ITGB6: variants seen among roughly 807,000 people sequenced by gnomAD.
ITGB6 encodes integrin beta-6.
A neutral mutation model predicts 84.5 loss-of-function variants in ITGB6; 80 were observed. The observed-to-expected ratio is 0.95, with a 90% CI of 0.79 to 1.14. The LOEUF (loss-of-function observed/expected upper bound fraction) is 1.14, where lower values mean the gene tolerates loss of function less well. Ranked by LOEUF, ITGB6 falls within the 50% of genes most tolerant of loss-of-function variation. ITGB6 has a pLI of 0.00. For missense variants in ITGB6, 1,006 were observed against 968.0 expected, an observed-to-expected ratio of 1.04 and a Z score of -0.52; for synonymous variants, 383 against 354.9, an observed-to-expected ratio of 1.08 and a Z score of -0.89.
chr2:160,199,088 A>G, intron 2 of ITGB6, 91 bp downstream of exon 2: 2 of 1,047,578 alleles, frequency 1.9e-6, no homozygotes, highest in Non-Finnish European at 3.0e-6. Context: ...TCCACAAAAA[A>G]GCAAGTCACT....
At chr2:160,156,445 C>A (rs957975148) in intron 7 of ITGB6, among the ~76,000 whole-genome samples, 1 of 152,176 alleles carries the variant, frequency 6.6e-6, no homozygotes, top group Non-Finnish European at 1.5e-5. Flanking sequence ...AAACCCAAGG[C>A]TCTCGAAGAG....
rs1241333934 is a variant in ITGB6 at position 160,195,427 on chromosome 2, C to T, written c.535G>A (p.Glu179Lys). Residue 179 changes from glutamate (E) to lysine (K), a missense_variant, in exon 4 of 15, where the codon GAA (glutamate) becomes AAA (lysine). Glu to Lys is a moderately conservative substitution (Grantham distance 56). Transcript: ENST00000283249. ...TTCACAAAAGGGGATACAGGTTTTT[C>T]CACAAAAGATCCGAAGCCCAGTCTA... is the stretch of plus-strand genomic sequence containing the variant. ...NFRLGFGSFV[E>K]KPVSPFVKTT... is the part of the protein sequence containing the mutation. 2.5e-6 allele frequency: 4 copies of T among 1,614,174 alleles called. No individual in the cohort carries two copies. Among genetic ancestry groups the T allele is most frequent in the East Asian group, 2.2e-5 (1 of 44,886 alleles).
chr2:160,190,889 G>T (rs1266511705), intron 4 of ITGB6, among the ~76,000 whole-genome samples: 2 of 152,084 alleles, frequency 1.3e-5, no homozygotes, highest in Admixed American at 6.6e-5. Context: ...TTGCTACATC[G>T]TACCTGATCT....
At chr2:160,186,273 A>AC (rs1685891715) in intron 4 of ITGB6, among the ~76,000 whole-genome samples, 1 of 24,886 alleles carries the variant, frequency 4.0e-5, no homozygotes, top group African/African-American at 3.2e-4. Flanking sequence ...ACAAATTTCC[A>AC]AAAAAAAAAA....
At chr2:160,114,464 G>GT (rs1358884544) in intron 12 of ITGB6, among the ~76,000 whole-genome samples, 8 of 152,318 alleles carry the variant, frequency 5.3e-5, no homozygotes, top group Admixed American at 6.5e-5. Context: ...GAAAACAGGG[G>GT]TGAGGATGTG....
chr2:160,135,262 CA>C (rs1207191968), intron 10 of ITGB6, among the ~76,000 whole-genome samples: 3 of 152,136 alleles, frequency 2.0e-5, no homozygotes, highest in African/African-American at 7.2e-5. Flanking sequence ...ACACTAATAA[CA>C]GACAAACAGA....
At chr2:160,122,725 T>G (rs1246392943) in intron 12 of ITGB6, among the ~76,000 whole-genome samples, 1 of 152,204 alleles carries the variant, frequency 6.6e-6, no homozygotes, top group East Asian at 1.9e-4. Flanking sequence ...ATCATGACCC[T>G]CCATATAGGG....
intron 12 of ITGB6, among the ~76,000 whole-genome samples, chr2:160,116,999 C>G (rs1367683702): frequency 6.6e-6 from 1 of 151,292 alleles, no homozygotes; most frequent in Non-Finnish European, 1.5e-5. Context: ...TACAGGAGCA[C>G]CCAGATTCAT....
chr2:160,138,102 T>G lies in ITGB6; in HGVS notation c.1205A>C (p.His402Pro), dbSNP rs772489907. The change falls in exon 9 of 15, where the codon CAC becomes CCC. Residue 402 changes from histidine (H) to proline (P), a missense_variant. His to Pro is a moderately conservative substitution (Grantham distance 77). Coordinates refer to ENST00000283249, the MANE Select transcript of ITGB6 (RefSeq NM_000888.5). ...AICNNGTLFQ[H>P]QKKCSHMKVG... ...TTTCATGTGAGAGCATTTCTTTTGG[T>G]GTTGGAAGAGGGTACCGTTGTTACA... is the stretch of plus-strand genomic sequence containing the variant. The G allele has an allele frequency of 5.6e-6, 9 of 1,613,808 alleles. No individual in the cohort carries two copies. The highest frequency in any genetic ancestry group is 7.6e-6 in the Non-Finnish European group (9 of 1,179,982).
chr2:160,125,570 A>G (rs991100808), intron 11 of ITGB6, among the ~76,000 whole-genome samples: 1 of 152,210 alleles, frequency 6.6e-6, no homozygotes, highest in African/African-American at 2.4e-5. Flanking sequence ...AATGGTGAGT[A>G]ACCACTGAGT....
At chr2:160,134,036 G>T (rs546067274) in intron 10 of ITGB6, among the ~76,000 whole-genome samples, 1 of 152,106 alleles carries the variant, frequency 6.6e-6, no homozygotes, top group Non-Finnish European at 1.5e-5. Flanking sequence ...CTAGCAGAAG[G>T]CAAGAAATAA....
intron 4 of ITGB6, among the ~76,000 whole-genome samples, chr2:160,178,158 C>T (rs1685506735): frequency 6.6e-6 from 1 of 152,192 alleles, no homozygotes; most frequent in African/African-American, 2.4e-5. Flanking sequence ...TACAGGCGTG[C>T]ACCACTGTGC....
intron 4 of ITGB6, among the ~76,000 whole-genome samples, chr2:160,190,076 C>A (rs1686078411): frequency 6.6e-6 from 1 of 151,688 alleles, no homozygotes; most frequent in South Asian, 2.1e-4. Context: ...AAGCTGGAAA[C>A]CATCATTCTC....
rs565921058 is a variant in ITGB6 at position 160,135,978 on chromosome 2, C to T, written c.1660+1456G>A. Among the ~76,000 whole-genome samples, 23 of 152,290 alleles carry T rather than the reference C, an allele frequency of 1.5e-4. No homozygotes were observed. In the South Asian group the frequency reaches 2.7e-3, roughly 18 times the overall value. ...AGAAGAAAACCTAGGCAATGCCATT[C>T]GGGACATAGGCATGAGCAAGGACTT... On this transcript the variant is annotated intron_variant, in intron 10 of 14. Transcript: ENST00000283249.
chr2:160,129,842 AGAT>A (rs1261266123), intron 10 of ITGB6, among the ~76,000 whole-genome samples: 6 of 152,300 alleles, frequency 3.9e-5, no homozygotes, highest in Admixed American at 1.3e-4. Context: ...CACCAAACAA[AGAT>A]GATAGACACA....
intron 4 of ITGB6, among the ~76,000 whole-genome samples, chr2:160,185,974 G>A (rs952833701): frequency 1.3e-5 from 2 of 152,068 alleles, no homozygotes; most frequent in South Asian, 4.1e-4. Flanking sequence ...ATTAACTCAA[G>A]ATGGATTAAA....
intron 4 of ITGB6, among the ~76,000 whole-genome samples, chr2:160,192,787 A>G (rs1686191091): frequency 6.6e-6 from 1 of 152,152 alleles, no homozygotes; most frequent in African/African-American, 2.4e-5. Flanking sequence ...CTTACCACAC[A>G]ATATTGGAAA....
At chr2:160,189,277 C>T (rs1182631232) in intron 4 of ITGB6, among the ~76,000 whole-genome samples, 1 of 152,166 alleles carries the variant, frequency 6.6e-6, no homozygotes, top group Admixed American at 6.5e-5. Flanking sequence ...CAATACCATT[C>T]AGGACATAGG....
At chr2:160,106,716 T>A (rs1696922595) in intron 14 of ITGB6, among the ~76,000 whole-genome samples, 1 of 152,204 alleles carries the variant, frequency 6.6e-6, no homozygotes, top group African/African-American at 2.4e-5. Flanking sequence ...TAATTTAGAA[T>A]AACCGCATAC....
Sources: allele counts gnomAD v4.1 joint callset (sites outside exome capture counted in the v4.1 genomes callset), GRCh38; gene constraint gnomAD v4.1.1; transcripts MANE v1.5; gene names NCBI Gene and HGNC (gene_info 2026-07-23, HGNC 2026-07-21).